TTC28: variants seen among roughly 807,000 people sequenced by gnomAD.
The protein encoded by TTC28 is tetratricopeptide repeat domain 28.
A neutral mutation model predicts 198.0 loss-of-function variants in TTC28; 61 were observed. That is an observed-to-expected ratio of 0.31 (90% CI 0.25 to 0.38). The LOEUF (loss-of-function observed/expected upper bound fraction) is 0.38, where lower values mean the gene tolerates loss of function less well. TTC28 is among the 10% of genes least tolerant of loss of function. TTC28 has a pLI of 1.00. For synonymous variants in TTC28, 1,171 were observed against 1,297.8 expected (o/e 0.90, Z 2.10); for missense variants, 2,678 against 3,164.0 (o/e 0.85, Z 3.69).
intron 12 of TTC28, among the ~76,000 whole-genome samples, chr22:28,079,671 T>C (rs574237500): frequency 4.6e-5 from 7 of 152,308 alleles, no homozygotes; most frequent in African/African-American, 1.7e-4. Flanking sequence ...TTGGCTCATT[T>C]CACTTAGCAT....
chr22:28,061,521 T>C (rs1940541636), intron 12 of TTC28, among the ~76,000 whole-genome samples: 1 of 152,178 alleles, frequency 6.6e-6, no homozygotes, highest in Non-Finnish European at 1.5e-5. Flanking sequence ...AAAGATCAGA[T>C]GGTTGTGGAT....
intron 2 of TTC28, among the ~76,000 whole-genome samples, chr22:28,307,097 G>A (rs966818934): frequency 6.6e-6 from 1 of 152,016 alleles, no homozygotes; most frequent in Non-Finnish European, 1.5e-5. Context: ...ACAAATGAGT[G>A]TGTGATTACT....
chr22:28,414,774 AT>A (rs2047142652), intron 2 of TTC28, among the ~76,000 whole-genome samples: 1 of 152,208 alleles, frequency 6.6e-6, no homozygotes, highest in South Asian at 2.1e-4. Flanking sequence ...AAGTAACAAT[AT>A]TCTGCTAATT....
chr22:28,466,854 C>CACACAT, intron 2 of TTC28, among the ~76,000 whole-genome samples: 1 of 149,964 alleles, frequency 6.7e-6, no homozygotes, highest in Admixed American at 6.6e-5. Context: ...CACACACACA[C>CACACAT]ACCCCTATGC....
intron 2 of TTC28, among the ~76,000 whole-genome samples, chr22:28,494,956 A>G (rs1393767840): frequency 6.6e-6 from 1 of 152,054 alleles, no homozygotes; most frequent in Non-Finnish European, 1.5e-5. Context: ...AAGAGCAAAA[A>G]TTTTAGAAAT....
chr22:28,067,610 A>C (rs1940810653), intron 12 of TTC28, among the ~76,000 whole-genome samples: 1 of 152,194 alleles, frequency 6.6e-6, no homozygotes, highest in Non-Finnish European at 1.5e-5. Context: ...AAGGAAAGGA[A>C]CTGTGTTTTT....
chr22:28,560,188 G>C (rs890817431), intron 2 of TTC28, among the ~76,000 whole-genome samples: 1 of 152,130 alleles, frequency 6.6e-6, no homozygotes, highest in Non-Finnish European at 1.5e-5. Flanking sequence ...AATCCTACTT[G>C]ATGCTATCTG....
chr22:28,009,011 T>C (rs1184482598), intron 14 of TTC28, among the ~76,000 whole-genome samples: 9 of 152,214 alleles, frequency 5.9e-5, no homozygotes. Flanking sequence ...GTCCCAGTAG[T>C]CCCTTTCATG....
intron 19 of TTC28, 104 bp downstream of exon 19, chr22:27,992,483 G>A: frequency 8.5e-7 from 1 of 1,170,298 alleles, no homozygotes; most frequent in South Asian, 1.5e-5. Context: ...CAAAGGCGGT[G>A]AGACTGCATT....
chr22:28,118,156 TG>T (rs1276175582), intron 6 of TTC28, among the ~76,000 whole-genome samples: 1 of 152,190 alleles, frequency 6.6e-6, no homozygotes, highest in East Asian at 1.9e-4. Context: ...CCCAACACTT[TG>T]GGAGGCCAAG....
intron 2 of TTC28, among the ~76,000 whole-genome samples, chr22:28,486,293 G>A (rs1409331631): frequency 1.3e-5 from 2 of 152,102 alleles, no homozygotes; most frequent in Non-Finnish European, 2.9e-5. Flanking sequence ...GCAGAAAAGA[G>A]AAGGTATAAT....
intron 6 of TTC28, among the ~76,000 whole-genome samples, chr22:28,128,914 G>A (rs1220751675): frequency 2.0e-5 from 3 of 152,056 alleles, no homozygotes; most frequent in Non-Finnish European, 4.4e-5. Context: ...TAAGTAAGTC[G>A]TACCTGACAA....
At chr22:28,566,967 A>T (rs1353464130) in intron 2 of TTC28, among the ~76,000 whole-genome samples, 4 of 152,248 alleles carry the variant, frequency 2.6e-5, no homozygotes, top group Non-Finnish European at 4.4e-5. Flanking sequence ...CTGTAACTCC[A>T]GCACTTTGGG....
chr22:28,098,955 T>A lies in TTC28; in HGVS notation c.3507A>T (p.Thr1169=). The A allele has an allele frequency of 6.4e-7, 1 of 1,551,806 alleles. No homozygotes were observed. Among genetic ancestry groups the A allele is most frequent in the Non-Finnish European group, 8.7e-7 (1 of 1,147,024 alleles). ...DYKLSLFDLQ[T]SSYQALQRVL... ...CCCGCTGCAAGGCCTGGTAGGATGA[T>A]GTCTGCAGGTCAAAGAGGGAGAGTT... is the stretch of plus-strand genomic sequence containing the variant. Residue 1169 remains threonine, a synonymous_variant, in exon 10 of 23, where the codon ACA becomes ACT. Coordinates refer to ENST00000397906, the MANE Select transcript of TTC28 (RefSeq NM_001145418.2).
chr22:28,375,686 GGC>G (rs898161368), intron 2 of TTC28, among the ~76,000 whole-genome samples: 4 of 152,184 alleles, frequency 2.6e-5, no homozygotes, highest in African/African-American at 9.7e-5. Context: ...CATTACTTCT[GGC>G]TGTGTCTGTG....
At chr22:28,074,226 G>GA (rs931116708) in intron 12 of TTC28, among the ~76,000 whole-genome samples, 7 of 151,772 alleles carry the variant, frequency 4.6e-5, no homozygotes, top group African/African-American at 1.5e-4. Context: ...AAATCAACCA[G>GA]AAAAAAAAGA....
intron 5 of TTC28, among the ~76,000 whole-genome samples, chr22:28,190,149 C>T (rs944089587): frequency 6.6e-5 from 10 of 152,192 alleles, no homozygotes; most frequent in Non-Finnish European, 1.0e-4. Flanking sequence ...GTGCCCACAA[C>T]CTGTTCTCTT....
chr22:28,579,207 A>G (rs528361997), intron 2 of TTC28, among the ~76,000 whole-genome samples: 1 of 150,728 alleles, frequency 6.6e-6, no homozygotes, highest in African/African-American at 2.4e-5. Flanking sequence ...TTATATATAC[A>G]CATACATACA....
At chr22:28,030,516 G>A in intron 12 of TTC28, 150 bp from the exon 13 acceptor site, 1 of 973,130 alleles carries the variant, frequency 1.0e-6, no homozygotes. Flanking sequence ...CCTCCTCAGT[G>A]TCCCTGAGGC....
Sources: allele counts gnomAD v4.1 joint callset (sites outside exome capture counted in the v4.1 genomes callset), GRCh38; gene constraint gnomAD v4.1.1; transcripts MANE v1.5; gene names NCBI Gene and HGNC (gene_info 2026-07-23, HGNC 2026-07-21).